The following MRPS35 variants were observed in gnomAD, a reference collection of about 807,000 sequenced individuals.
The protein encoded by MRPS35 is mitochondrial ribosomal protein S35, also known as small ribosomal subunit protein mS35.
In MRPS35, 29 loss-of-function variants were observed where a neutral mutation model predicts 32.7. That is an observed-to-expected ratio of 0.89 (90% CI 0.66 to 1.21). MRPS35 has a LOEUF of 1.21. Among genes scored for constraint, MRPS35 ranks in the 50% most tolerant of loss-of-function variants. The pLI, the probability that MRPS35 is intolerant of heterozygous loss-of-function variation, is 0.00. For missense variants in MRPS35, 373 were observed against 383.8 expected (o/e 0.97, Z 0.23); for synonymous variants, 148 against 139.3 (o/e 1.06, Z -0.44).
chr12:27,713,159 C>A (rs1052547507), intron 1 of MRPS35, among the ~76,000 whole-genome samples: 1 of 152,202 alleles, frequency 6.6e-6, no homozygotes, highest in Non-Finnish European at 1.5e-5. Context: ...TCCATGTGCT[C>A]TCACTCTGTC....
intron 5 of MRPS35, among the ~76,000 whole-genome samples, chr12:27,731,206 A>G (rs1014546937): frequency 1.3e-5 from 2 of 152,178 alleles, no homozygotes; most frequent in African/African-American, 2.4e-5. Flanking sequence ...CTGGCACTAC[A>G]AAATGCTCTG....
chr12:27,728,110 T>C (rs1565466916), intron 5 of MRPS35, among the ~76,000 whole-genome samples: 1 of 152,078 alleles, frequency 6.6e-6, no homozygotes, highest in Non-Finnish European at 1.5e-5. Flanking sequence ...CTGGATATGG[T>C]GTGAAGCTGG....
chr12:27,728,476 C>T (rs1034271791), intron 5 of MRPS35, among the ~76,000 whole-genome samples: 2 of 152,130 alleles, frequency 1.3e-5, no homozygotes, highest in African/African-American at 4.8e-5. Context: ...TGTGTTATCT[C>T]TAAGAATTAA....
At chr12:27,721,392 T>A (rs894469804) in intron 4 of MRPS35, among the ~76,000 whole-genome samples, 1 of 152,208 alleles carries the variant, frequency 6.6e-6, no homozygotes, top group African/African-American at 2.4e-5. Context: ...GCATGGTGCC[T>A]CACACCTGTA....
chr12:27,724,675 A>G (rs1253712498), intron 5 of MRPS35, among the ~76,000 whole-genome samples: 1 of 152,142 alleles, frequency 6.6e-6, no homozygotes, highest in South Asian at 2.1e-4. Flanking sequence ...CCCGGGAGGC[A>G]GAGGTTGCAG....
chr12:27,727,507 A>G (rs1445821140), intron 5 of MRPS35, among the ~76,000 whole-genome samples: 2 of 152,118 alleles, frequency 1.3e-5, no homozygotes, highest in Admixed American at 6.5e-5. Context: ...CATGTAGTCT[A>G]GGTGTGTAGT....
At chr12:27,746,130 T>G (rs1342803951) in intron 7 of MRPS35, among the ~76,000 whole-genome samples, 1 of 152,146 alleles carries the variant, frequency 6.6e-6, no homozygotes, top group Non-Finnish European at 1.5e-5. Context: ...AGACCCAGGT[T>G]TTGATAGTTT....
intron 7 of MRPS35, among the ~76,000 whole-genome samples, chr12:27,744,322 G>A (rs2061974649): frequency 1.3e-5 from 2 of 152,006 alleles, no homozygotes; most frequent in South Asian, 2.1e-4. Flanking sequence ...GGCTGGGCGC[G>A]GTGGCTCACA....
At chr12:27,715,183 T>C (rs2061844637) in intron 2 of MRPS35, among the ~76,000 whole-genome samples, 1 of 152,246 alleles carries the variant, frequency 6.6e-6, no homozygotes, top group Admixed American at 6.5e-5. Context: ...GTTGCCCAGC[T>C]GGAGTGCAGT....
intron 4 of MRPS35, among the ~76,000 whole-genome samples, chr12:27,721,958 G>A (rs1400383404): frequency 5.9e-5 from 9 of 152,088 alleles, no homozygotes; most frequent in South Asian, 2.1e-4. Flanking sequence ...GTGTGATGGC[G>A]CATGCCTGTG....
Position 27,716,152 on chromosome 12 carries a change from G to T in MRPS35, c.154-139G>T, listed in dbSNP as rs1425631637. The T allele has an allele frequency of 4.3e-6, 3 of 699,472 alleles. No homozygotes were observed. In the African/African-American group the frequency reaches 5.4e-5, roughly 13 times the overall value. The allele number at this position is 699,472 out of a possible 1,614,324, so 43.3% of individuals were successfully genotyped here. A position where few individuals can be genotyped will look rare whatever the true frequency, so the allele number is the denominator to read the frequency against. On this transcript the variant is annotated intron_variant, in intron 2 of 7. Coordinates refer to ENST00000081029, the MANE Select transcript of MRPS35 (RefSeq NM_021821.4). ...TTAAAATTTGGACAGCAGCAGCATT[G>T]TGGGAGGTCAGATTTTACATATGTT...
intron 6 of MRPS35, among the ~76,000 whole-genome samples, chr12:27,736,455 T>C (rs1190148029): frequency 6.6e-6 from 1 of 152,194 alleles, no homozygotes; most frequent in Non-Finnish European, 1.5e-5. Flanking sequence ...AAAAATGCCT[T>C]TAAAATGTTA....
intron 7 of MRPS35, among the ~76,000 whole-genome samples, chr12:27,754,022 G>A (rs1464812628): frequency 6.6e-6 from 1 of 152,222 alleles, no homozygotes; most frequent in Non-Finnish European, 1.5e-5. Context: ...GGGAAGCCAA[G>A]GCAGGCGGAT....
At chr12:27,720,349 G>A (rs528451804) in intron 4 of MRPS35, among the ~76,000 whole-genome samples, 13 of 149,102 alleles carry the variant, frequency 8.7e-5, no homozygotes, top group African/African-American at 3.0e-4. Context: ...AGTTTAAATC[G>A]CGCCATTGCA....
intron 7 of MRPS35, among the ~76,000 whole-genome samples, chr12:27,745,756 T>C (rs756365576): frequency 8.0e-5 from 12 of 150,850 alleles, no homozygotes; most frequent in Non-Finnish European, 1.3e-4. Context: ...TGATGTTCCC[T>C]TTCCTGTGTC....
Position 27,719,849 on chromosome 12 carries a change from G to T in MRPS35, c.363G>T (p.Lys121Asn), listed in dbSNP as rs766671036. The part of the protein sequence containing the change: ...FLHLTPVAIK[K>N]HCEALKDFCT... ...ATTTGACTCCTGTAGCAATTAAAAA[G>T]CACTGTGAAGCCCTTAAAGGTAAGT... The change falls in exon 4 of 8, where the codon AAG (lysine) becomes AAT (asparagine). Residue 121 changes from lysine (K) to asparagine (N), a missense_variant. Physicochemically the swap from Lys to Asn is moderately conservative, Grantham distance 94. Coordinates refer to ENST00000081029, the MANE Select transcript of MRPS35 (RefSeq NM_021821.4). The T allele has an allele frequency of 2.5e-6, 4 of 1,607,324 alleles. No homozygotes were observed. Among genetic ancestry groups the T allele is most frequent in the Non-Finnish European group, 3.4e-6 (4 of 1,174,892 alleles).
At chr12:27,738,616 G>A (rs1168397210) in intron 7 of MRPS35, among the ~76,000 whole-genome samples, 1 of 151,970 alleles carries the variant, frequency 6.6e-6, no homozygotes, top group African/African-American at 2.4e-5. Context: ...ATAATTATAG[G>A]TATGCATTTA....
chr12:27,725,993 A>G (rs2061898579), intron 5 of MRPS35, among the ~76,000 whole-genome samples: 1 of 151,570 alleles, frequency 6.6e-6, no homozygotes, highest in East Asian at 1.9e-4. Flanking sequence ...GAATTTTTGT[A>G]GAGACAGGGT....
intron 7 of MRPS35, among the ~76,000 whole-genome samples, chr12:27,743,074 T>TG (rs2061969946): frequency 6.6e-6 from 1 of 151,770 alleles, no homozygotes; most frequent in Non-Finnish European, 1.5e-5. Flanking sequence ...TTCACCACAC[T>TG]GTTCTCGAAC....
Sources: gnomAD v4.1 joint callset for allele counts (sites outside exome capture counted in the v4.1 genomes callset) on GRCh38, gnomAD v4.1.1 for gene constraint, MANE v1.5 for transcripts, NCBI Gene and HGNC (gene_info 2026-07-23, HGNC 2026-07-21) for gene names.